DGKB: variants seen among roughly 807,000 people sequenced by gnomAD.
The protein encoded by DGKB is diacylglycerol kinase beta.
DGKB carries 67 observed loss-of-function variants against 114.3 expected under a neutral mutation model. The observed-to-expected ratio is 0.59, with a 90% confidence interval of 0.48 to 0.72. The LOEUF (loss-of-function observed/expected upper bound fraction) is 0.72. DGKB is among the 30% of genes least tolerant of loss of function. DGKB has a pLI of 0.00. For synonymous variants in DGKB, 398 were observed against 323.1 expected (o/e 1.23, Z -2.49); for missense variants, 907 against 975.2 (o/e 0.93, Z 0.93).
chr7:14,433,394 T>A (rs1828767123), intron 21 of DGKB, among the ~76,000 whole-genome samples: 1 of 152,094 alleles, frequency 6.6e-6, no homozygotes, highest in Admixed American at 6.6e-5. Flanking sequence ...CCAGAAATAA[T>A]AGGCTTTGGG....
intron 20 of DGKB, among the ~76,000 whole-genome samples, chr7:14,507,244 T>C (rs983193993): frequency 2.0e-5 from 3 of 152,180 alleles, no homozygotes; most frequent in African/African-American, 7.2e-5. Context: ...GCAATGTATT[T>C]TTTGATGCTT....
intron 1 of DGKB, among the ~76,000 whole-genome samples, chr7:14,938,777 T>C (rs1321461530): frequency 6.6e-6 from 1 of 152,206 alleles, no homozygotes; most frequent in Non-Finnish European, 1.5e-5. Flanking sequence ...AATGTGTAAC[T>C]ATTTGCTTAT....
intron 25 of DGKB, among the ~76,000 whole-genome samples, chr7:14,162,203 A>G (rs1784000873): frequency 6.6e-6 from 1 of 152,232 alleles, no homozygotes; most frequent in South Asian, 2.1e-4. Flanking sequence ...AGTCAGGCCC[A>G]GACCTTGTGA....
chr7:14,436,751 C>T (rs1207894096), intron 21 of DGKB, among the ~76,000 whole-genome samples: 1 of 152,062 alleles, frequency 6.6e-6, no homozygotes, highest in East Asian at 1.9e-4. Flanking sequence ...CCACAAAACT[C>T]ATTACAGATA....
At chr7:14,253,812 T>C (rs1354946799) in intron 23 of DGKB, among the ~76,000 whole-genome samples, 1 of 152,200 alleles carries the variant, frequency 6.6e-6, no homozygotes, top group East Asian at 1.9e-4. Context: ...TGTCCATTTG[T>C]CTCCCAAATA....
At chr7:14,462,707 C>A (rs10479926) in intron 21 of DGKB, among the ~76,000 whole-genome samples, 1 of 152,056 alleles carries the variant, frequency 6.6e-6, no homozygotes, top group Non-Finnish European at 1.5e-5. Context: ...CATCAAGCAA[C>A]CATTGACTTT....
At chr7:14,949,626 G>GA (rs1431895666) in intron 1 of DGKB, among the ~76,000 whole-genome samples, 5 of 151,806 alleles carry the variant, frequency 3.3e-5, no homozygotes, top group African/African-American at 1.2e-4. Context: ...TAAATTTGAT[G>GA]AAAAACATTG....
rs371237603 is a variant in DGKB, at chr7:14,484,632, A to G, written c.1771-6407T>C. The stretch of plus-strand genomic sequence containing the variant: ...GTGCTATGCTTGCTGTACAGTCTGC[A>G]GAACCTTGAGCCAATTAAATCTCTT... On this transcript the variant is annotated intron_variant, in intron 20 of 25. Coordinates refer to ENST00000402815, the MANE Select transcript of DGKB (RefSeq NM_001350709.2). Among the ~76,000 whole-genome samples, 6 of 152,346 alleles carry G rather than the reference A, an allele frequency of 3.9e-5. No individual in the cohort carries two copies. The East Asian group carries it at 7.7e-4, about 20-fold the overall frequency.
At chr7:14,945,377 C>T (rs554385957) in intron 1 of DGKB, among the ~76,000 whole-genome samples, 2 of 151,722 alleles carry the variant, frequency 1.3e-5, no homozygotes, top group Non-Finnish European at 2.9e-5. Flanking sequence ...TGTTCTAGTT[C>T]GTGAATGTGG....
intron 21 of DGKB, among the ~76,000 whole-genome samples, chr7:14,368,779 A>C (rs1312272425): frequency 6.6e-6 from 1 of 152,138 alleles, no homozygotes; most frequent in Non-Finnish European, 1.5e-5. Context: ...GTGATTAGAT[A>C]CGCAAGATAA....
intron 4 of DGKB, among the ~76,000 whole-genome samples, chr7:14,752,619 T>C (rs1019022763): frequency 1.5e-4 from 23 of 152,286 alleles, no homozygotes; most frequent in African/African-American, 5.5e-4. Context: ...ATTCTGTAAC[T>C]GCAATTGCTT....
intron 20 of DGKB, among the ~76,000 whole-genome samples, chr7:14,506,911 G>C (rs1209193449): frequency 6.6e-6 from 1 of 152,196 alleles, no homozygotes; most frequent in Non-Finnish European, 1.5e-5. Context: ...CTGGCCCACA[G>C]TAGTTATGTA....
intron 21 of DGKB, among the ~76,000 whole-genome samples, chr7:14,394,668 T>TTC (rs1229548469): frequency 5.9e-5 from 9 of 151,268 alleles, no homozygotes. Flanking sequence ...CAATGACCAT[T>TTC]TTTTTTTTAT....
intron 23 of DGKB, among the ~76,000 whole-genome samples, chr7:14,309,909 G>A (rs1362402174): frequency 2.0e-5 from 3 of 152,168 alleles, no homozygotes; most frequent in African/African-American, 7.2e-5. Flanking sequence ...AAGGGTGAAA[G>A]AATATACATT....
chr7:14,471,582 A>G (rs1218684760), intron 21 of DGKB, among the ~76,000 whole-genome samples: 1 of 151,250 alleles, frequency 6.6e-6, no homozygotes, highest in African/African-American at 2.4e-5. Context: ...GTGCTCAGGG[A>G]TTTATGTTAA....
intron 20 of DGKB, among the ~76,000 whole-genome samples, chr7:14,486,920 A>G (rs1248991668): frequency 6.6e-6 from 1 of 152,238 alleles, no homozygotes; most frequent in Non-Finnish European, 1.5e-5. Flanking sequence ...TTAAACTTCA[A>G]CAATTTAGAT....
chr7:14,306,500 A>C (rs1041923219), intron 23 of DGKB, among the ~76,000 whole-genome samples: 2 of 152,146 alleles, frequency 1.3e-5, no homozygotes, highest in Non-Finnish European at 2.9e-5. Flanking sequence ...TAGCCATTAA[A>C]TGGTTATTCC....
intron 1 of DGKB, among the ~76,000 whole-genome samples, chr7:14,842,846 T>C (rs1451079202): frequency 6.6e-6 from 1 of 152,208 alleles, no homozygotes; most frequent in Non-Finnish European, 1.5e-5. Context: ...AATAATTGGA[T>C]ACTCATTCCT....
chr7:14,647,632 G>GA, intron 13 of DGKB, among the ~76,000 whole-genome samples: 1 of 151,824 alleles, frequency 6.6e-6, no homozygotes, highest in East Asian at 1.9e-4. Context: ...ATAATTCATG[G>GA]GGGAGGAGCC....
Sources: allele counts gnomAD v4.1 joint callset (sites outside exome capture counted in the v4.1 genomes callset), GRCh38; gene constraint gnomAD v4.1.1; transcripts MANE v1.5; gene names NCBI Gene and HGNC (gene_info 2026-07-23, HGNC 2026-07-21).